The following ADAMTSL1 variants were observed in gnomAD, a reference collection of about 807,000 sequenced individuals.
The protein encoded by ADAMTSL1 is ADAMTS like 1.
ADAMTSL1 carries 126 observed loss-of-function variants against 201.8 expected under a neutral mutation model. That is an observed-to-expected ratio of 0.62 (90% confidence interval 0.54 to 0.72). The LOEUF is 0.72. Among genes scored for constraint, ADAMTSL1 ranks in the 30% least tolerant of loss-of-function variants. ADAMTSL1 has a pLI of 0.00. For synonymous variants in ADAMTSL1, 1,121 were observed against 903.4 expected, an observed-to-expected ratio of 1.24 and a Z score of -4.32; for missense variants, 2,679 against 2,277.8, an observed-to-expected ratio of 1.18 and a Z score of -3.59.
Position 18,910,141 on chromosome 9 carries a change from G to C in ADAMTSL1, c.*1593G>C, listed in dbSNP as rs1460005633. 6.6e-6 allele frequency: 1 copy of C among 152,144 alleles called. No homozygotes were observed. The highest frequency in any genetic ancestry group is 1.5e-5 in the Non-Finnish European group (1 of 68,036). The allele number at this position is 152,144 out of a possible 1,614,324, so 9.4% of individuals were successfully genotyped here. On this transcript the variant is annotated 3_prime_UTR_variant, in exon 29 of 29. Coordinates refer to ENST00000380548, the MANE Select transcript of ADAMTSL1 (RefSeq NM_001040272.6). ...CAGCCAGCCTGGAAGTAAAATTTGA[G>C]AGGAAGACAATATTAATCTGTGTCC...
intron 4 of ADAMTSL1, among the ~76,000 whole-genome samples, chr9:18,619,599 C>A (rs1007870888): frequency 6.6e-6 from 1 of 152,144 alleles, no homozygotes; most frequent in Non-Finnish European, 1.5e-5. Context: ...CTAATATTAC[C>A]GTTGCTTTGG....
intron 1 of ADAMTSL1, among the ~76,000 whole-genome samples, chr9:17,929,815 C>A (rs1826705431): frequency 6.6e-6 from 1 of 152,138 alleles, no homozygotes; most frequent in African/African-American, 2.4e-5. Context: ...TGCCCATTTT[C>A]TTTCTAGCAC....
intron 1 of ADAMTSL1, among the ~76,000 whole-genome samples, chr9:18,144,979 A>G (rs1238131596): frequency 6.6e-6 from 1 of 152,198 alleles, no homozygotes; most frequent in African/African-American, 2.4e-5. Flanking sequence ...ATGCAAATGC[A>G]TAGATAATAG....
rs551297412 is a variant in ADAMTSL1 at position 18,202,401 on chromosome 9, A to G, written c.207+38420A>G. The stretch of plus-strand genomic sequence containing the variant: ...TCAGACAGTAGTTAATGTTCTTTCA[A>G]TACGTGTGCTCAATCTTCAGTGGAG... On this transcript the variant is annotated intron_variant, in intron 2 of 29. Transcript: ENST00000680146. Among the ~76,000 whole-genome samples, 3 of 152,236 alleles carry G rather than the reference A, an allele frequency of 2.0e-5. 1 individual carries two copies. In the South Asian group the frequency reaches 6.2e-4, roughly 31 times the overall value.
rs577779060 is a variant in ADAMTSL1, at chr9:18,607,902, T to C, written c.475-14341T>C. ...TTCATCCATGTCCCTACAAAGGACA[T>C]GAACTCATCATTTTTTATGACTACA... is the stretch of plus-strand genomic sequence containing the variant. On this transcript the variant is annotated intron_variant, in intron 4 of 28. Coordinates refer to ENST00000380548, the MANE Select transcript of ADAMTSL1 (RefSeq NM_001040272.6). Among the ~76,000 whole-genome samples the C allele has an allele frequency of 1.1e-3, 175 of 152,334 alleles. 2 individuals carry two copies. The highest frequency in any genetic ancestry group is 2.3e-3 in the African/African-American group (94 of 41,580).
At chr9:18,775,170 C>T (rs2133742929) in intron 17 of ADAMTSL1, among the ~76,000 whole-genome samples, 1 of 152,252 alleles carries the variant, frequency 6.6e-6, no homozygotes, top group African/African-American at 2.4e-5. Flanking sequence ...GGATTTTCCC[C>T]TCATTTGAAT....
chr9:18,421,381 T>C (rs552249388), intron 2 of ADAMTSL1, among the ~76,000 whole-genome samples: 33 of 152,200 alleles, frequency 2.2e-4, no homozygotes, highest in African/African-American at 7.7e-4. Flanking sequence ...ATTCTTTTCT[T>C]ACAGGTGAGA....
At chr9:18,674,108 C>A (rs773707117) in intron 9 of ADAMTSL1, among the ~76,000 whole-genome samples, 42 of 151,902 alleles carry the variant, frequency 2.8e-4, no homozygotes, top group Non-Finnish European at 3.8e-4. Flanking sequence ...TCATTTCATT[C>A]TTGTGTGAAG....
chr9:18,233,698 T>C (rs982473988), intron 2 of ADAMTSL1, among the ~76,000 whole-genome samples: 1 of 152,198 alleles, frequency 6.6e-6, no homozygotes, highest in Non-Finnish European at 1.5e-5. Context: ...TGAGAGATGC[T>C]GTCAATCCCT....
intron 1 of ADAMTSL1, among the ~76,000 whole-genome samples, chr9:18,018,118 G>A (rs1329929): frequency 6.6e-6 from 1 of 152,042 alleles, no homozygotes; most frequent in Admixed American, 6.6e-5. Flanking sequence ...ATATACAACA[G>A]AGATGATATG....
chr9:18,074,471 G>GTC (rs1823105459), intron 1 of ADAMTSL1, among the ~76,000 whole-genome samples: 1 of 126,870 alleles, frequency 7.9e-6, no homozygotes, highest in African/African-American at 3.0e-5. Flanking sequence ...ACCACACTGT[G>GTC]TTTTCTTTTC....
At position 18,143,040 on chromosome 9, in the gene ADAMTSL1, G is replaced by T. The variant is rs80305267; in HGVS notation, c.88-20822G>T. The stretch of plus-strand genomic sequence containing the variant: ...ACTGGGTGCAATGAGGATGATGCAG[G>T]TCTGTCGATGGCAGTTTCACTCCAA... On this transcript the variant is annotated intron_variant, in intron 1 of 29. Coordinates refer to the ADAMTSL1 transcript ENST00000680146. Among the ~76,000 whole-genome samples the T allele has an allele frequency of 5.3e-3, 809 of 152,292 alleles. 4 individuals are homozygous for T. Among genetic ancestry groups the T allele is most frequent in the East Asian group, 0.028 (144 of 5,170 alleles).
At chr9:18,786,557 C>T (rs1302794521) in intron 19 of ADAMTSL1, among the ~76,000 whole-genome samples, 9 of 152,194 alleles carry the variant, frequency 5.9e-5, no homozygotes, top group Admixed American at 4.6e-4. Flanking sequence ...GAAATAATGT[C>T]TGTAACGTGC....
At position 18,546,247 on chromosome 9, in the gene ADAMTSL1, A is replaced by T. The variant is rs75514030; in HGVS notation, c.237+12955A>T. On this transcript the variant is annotated intron_variant, in intron 3 of 28. Coordinates refer to ENST00000380548, the MANE Select transcript of ADAMTSL1 (RefSeq NM_001040272.6). Reference sequence around the variant, plus strand: ...GAGTGTTTAGTTTGGGTTTCAACTCAGTTGAGAGTTTTGAGTGAAATATGG... The same window carrying T: ...GAGTGTTTAGTTTGGGTTTCAACTCTGTTGAGAGTTTTGAGTGAAATATGG... Among the ~76,000 whole-genome samples, 111 of 152,220 alleles carry T rather than the reference A, an allele frequency of 7.3e-4. 2 individuals carry two copies. In the East Asian group the frequency reaches 0.019, roughly 26 times the overall value.
intron 2 of ADAMTSL1, among the ~76,000 whole-genome samples, chr9:18,459,591 C>T (rs185950351): frequency 1.2e-4 from 18 of 152,254 alleles, no homozygotes; most frequent in East Asian, 1.9e-4. Flanking sequence ...ATCATGACTT[C>T]GTTAATCCAG....
chr9:18,610,120 A>G (rs1223680890), intron 4 of ADAMTSL1, among the ~76,000 whole-genome samples: 1 of 152,128 alleles, frequency 6.6e-6, no homozygotes, highest in Non-Finnish European at 1.5e-5. Flanking sequence ...ATGCAGCACT[A>G]TGGTCTCGCT....
intron 5 of ADAMTSL1, among the ~76,000 whole-genome samples, chr9:18,626,922 TTTTCTTTCTTTCTTTCC>T (rs1281373086): frequency 6.7e-6 from 1 of 149,188 alleles, no homozygotes; most frequent in African/African-American, 2.5e-5. Context: ...CTTTTTTTCT[TTTTCTTTCTTTCTTTCC>T]TTTCTTTCTT....
At chr9:18,275,525 A>G (rs1378384622) in intron 2 of ADAMTSL1, among the ~76,000 whole-genome samples, 1 of 151,246 alleles carries the variant, frequency 6.6e-6, no homozygotes, top group East Asian at 1.9e-4. Flanking sequence ...CCCTAATCTC[A>G]CCTTAGCCCT....
chr9:18,217,845 G>C (rs968350310), intron 2 of ADAMTSL1, among the ~76,000 whole-genome samples: 3 of 152,060 alleles, frequency 2.0e-5, no homozygotes, highest in Non-Finnish European at 4.4e-5. Context: ...TTTGGGCAGA[G>C]GAAAGTTGTT....
Sources: gnomAD v4.1 joint callset for allele counts (sites outside exome capture counted in the v4.1 genomes callset) on GRCh38, gnomAD v4.1.1 for gene constraint, MANE v1.5 for transcripts, NCBI Gene and HGNC (gene_info 2026-07-23, HGNC 2026-07-21) for gene names.